Variants in C5 observed in about 807,000 individuals in gnomAD.
C5 encodes C3 and PZP-like alpha-2-macroglobulin domain-containing protein 4.
Under a neutral mutation model 218.8 loss-of-function variants are expected in C5, and 140 were observed. That is an observed-to-expected ratio of 0.64 (90% CI 0.56 to 0.74). The LOEUF is 0.74. Among genes scored for constraint, C5 ranks in the 30% least tolerant of loss-of-function variants. The pLI is 0.00. For synonymous variants in C5, 614 were observed against 682.3 expected (o/e 0.90, Z 1.56); for missense variants, 1,700 against 1,969.6 (o/e 0.86, Z 2.59).
Position 120,961,555 on chromosome 9 carries a change from A to G in C5, c.4515T>C (p.Cys1505=), listed in dbSNP as rs376452901. ...TATTGGAAGTGCTATAAAACATGGT[A>G]CACTGTTTATCTGTGGCAACAAAAG... ...VYEYHRPDKQ[C]TMFYSTSNIK... Residue 1505 remains cysteine (C), a synonymous_variant, in exon 37 of 41, where the codon TGT becomes TGC. Transcript: ENST00000223642. 2.2e-5 allele frequency: 35 copies of G among 1,609,730 alleles called. No individual in the cohort carries two copies. Among genetic ancestry groups the G allele is most frequent in the Non-Finnish European group, 3.0e-5 (35 of 1,176,076 alleles).
chr9:121,060,249 T>C, the C5 span, among the ~76,000 whole-genome samples: 1 of 152,172 alleles, frequency 6.6e-6, no homozygotes, highest in East Asian at 1.9e-4. Context: ...ATTAACTTAA[T>C]AGCTTCCCAA....
chr9:121,016,183 A>G, intron 15 of C5, 71 bp downstream of exon 15: 1 of 1,573,920 alleles, frequency 6.4e-7, no homozygotes, highest in Non-Finnish European at 8.7e-7. Flanking sequence ...TTTGGGAAGA[A>G]GGATAAAAAT....
At chr9:120,995,112 T>C (rs550633629) in intron 22 of C5, among the ~76,000 whole-genome samples, 3 of 152,258 alleles carry the variant, frequency 2.0e-5, no homozygotes, top group African/African-American at 7.2e-5. Context: ...CGCATGTACA[T>C]AGATGGATTT....
At chr9:121,072,201 G>A in the C5 span, among the ~76,000 whole-genome samples, 1 of 152,206 alleles carries the variant, frequency 6.6e-6, no homozygotes. Context: ...AACTGGATAC[G>A]GACTGAGAGA....
chr9:120,997,798 A>T, intron 20 of C5, 24 bp from the exon 21 acceptor site: 1 of 1,581,152 alleles, frequency 6.3e-7, no homozygotes, highest in Non-Finnish European at 8.6e-7. Flanking sequence ...GAAGAATTAT[A>T]TCAAAATACA....
At chr9:121,030,971 T>C (rs531221573) in intron 6 of C5, among the ~76,000 whole-genome samples, 4 of 152,176 alleles carry the variant, frequency 2.6e-5, no homozygotes, top group South Asian at 4.1e-4. Context: ...ATTCTAGATA[T>C]ACAGAGAAAA....
chr9:121,046,155 A>G (rs2047625023), intron 2 of C5, 36 bp downstream of exon 2: 3 of 1,016,384 alleles, frequency 3.0e-6, no homozygotes, highest in Non-Finnish European at 4.5e-6. Context: ...AATATTCTGT[A>G]TATATATATA....
chr9:120,953,622 G>T (rs2046763088), intron 40 of C5, 108 bp downstream of exon 40: 1 of 1,115,860 alleles, frequency 9.0e-7, no homozygotes, highest in Non-Finnish European at 1.4e-6. Flanking sequence ...AGTTCAAAAT[G>T]GTTTGTTGGT....
At chr9:121,010,968 A>G (rs991933738) in intron 17 of C5, among the ~76,000 whole-genome samples, 3 of 152,234 alleles carry the variant, frequency 2.0e-5, no homozygotes, top group Non-Finnish European at 2.9e-5. Flanking sequence ...CTTGCCATAT[A>G]CAAAACTCAA....
Position 120,953,984 on chromosome 9 carries a change from G to A in C5, c.4763-116C>T. ...TTGAGAGGTTCATGGCTAGTGGACA[G>A]CCGTGATATCCATGTGGTTAAGGCT... On this transcript the variant is annotated intron_variant, in intron 39 of 40. Coordinates refer to ENST00000223642, the MANE Select transcript of C5 (RefSeq NM_001735.3). 2.9e-6 allele frequency: 3 copies of A among 1,024,028 alleles called. No individual in the cohort carries two copies. In the South Asian group the frequency reaches 3.9e-5, roughly 13 times the overall value. The allele number at this position is 1,024,028 out of a possible 1,614,324, so 63.4% of individuals were successfully genotyped here. A position where few individuals can be genotyped will look rare whatever the true frequency, so the allele number is the denominator to read the frequency against.
At chr9:120,956,916 G>A (rs1162153406) in intron 39 of C5, 5 of 321,752 alleles carry the variant, frequency 1.6e-5, no homozygotes, top group African/African-American at 6.5e-5. Context: ...TACCTATTGG[G>A]TACTATGCTT....
In C5 at chr9:121,022,879, G is replaced by A. The variant is rs113995981; in HGVS notation, c.1116+525C>T. ...GACAGAAAAAAAGAGATTCAGGGAC[G>A]GAAAGAAGCAAAAATGAAAAGAACA... On this transcript the variant is annotated intron_variant, in intron 10 of 40. Coordinates refer to ENST00000223642, the MANE Select transcript of C5 (RefSeq NM_001735.3). 8.3e-3 allele frequency among the ~76,000 whole-genome samples: 1,253 copies of A among 151,806 alleles called. 13 individuals carry two copies. Among genetic ancestry groups the A allele is most frequent in the African/African-American group, 0.028 (1,177 of 41,394 alleles).
intron 22 of C5, among the ~76,000 whole-genome samples, chr9:120,991,634 T>A (rs1210075724): frequency 6.6e-6 from 1 of 152,236 alleles, no homozygotes; most frequent in Non-Finnish European, 1.5e-5. Flanking sequence ...TGTAATTTCT[T>A]AATCAACTAT....
chr9:120,952,886 G>A lies in C5; in HGVS notation c.4902-18C>T. On this transcript the variant is annotated intron_variant, in intron 40 of 40. Coordinates refer to ENST00000223642, the MANE Select transcript of C5 (RefSeq NM_001735.3). Reference sequence around the variant, plus strand: ...AGATGTACCTACCAAGAAACAAAGTGTTTGTGAGGTGGCCACAAAACAGAA... The same window carrying A: ...AGATGTACCTACCAAGAAACAAAGTATTTGTGAGGTGGCCACAAAACAGAA... 1.2e-6 allele frequency: 2 copies of A among 1,612,682 alleles called. No homozygotes were observed. Among genetic ancestry groups the A allele is most frequent in the Non-Finnish European group, 8.5e-7 (1 of 1,179,326 alleles).
intron 17 of C5, among the ~76,000 whole-genome samples, chr9:121,013,643 TTGGC>T (rs1239899653): frequency 8.5e-5 from 13 of 152,194 alleles, no homozygotes; most frequent in African/African-American, 2.4e-4. Context: ...ATGGGATGAC[TTGGC>T]TTTAAGGTTA....
the C5 span, among the ~76,000 whole-genome samples, chr9:121,070,426 T>A: frequency 8.2e-6 from 1 of 122,168 alleles, no homozygotes; most frequent in South Asian, 2.5e-4. Context: ...TATATATATA[T>A]GTATGTATAT....
intron 24 of C5, 51 bp from the exon 25 acceptor site, chr9:120,989,172 C>T (rs1317227056): frequency 7.1e-7 from 1 of 1,403,730 alleles, no homozygotes; most frequent in African/African-American, 1.4e-5. Context: ...TCCGTTTCTA[C>T]TCAAAGAACA....
chr9:120,971,683 C>T (rs1415403679), intron 31 of C5, among the ~76,000 whole-genome samples: 7 of 152,276 alleles, frequency 4.6e-5, no homozygotes, highest in African/African-American at 7.2e-5. Context: ...GTGGTCTGCC[C>T]GCCTAGGCCT....
chr9:120,969,447 T>A (rs1238040668), intron 32 of C5, among the ~76,000 whole-genome samples: 6 of 152,170 alleles, frequency 3.9e-5, no homozygotes, highest in Non-Finnish European at 8.8e-5. Flanking sequence ...TTGCTGGTAG[T>A]TGGGAAGTTT....
Sources: gnomAD v4.1 joint callset for allele counts (sites outside exome capture counted in the v4.1 genomes callset) on GRCh38, gnomAD v4.1.1 for gene constraint, MANE v1.5 for transcripts, NCBI Gene and HGNC (gene_info 2026-07-23, HGNC 2026-07-21) for gene names.